The following MICAL2 variants were observed in gnomAD, a reference collection of about 807,000 sequenced individuals.
The protein encoded by MICAL2 is [F-actin]-monooxygenase MICAL2.
In MICAL2, 77 loss-of-function variants were observed where a neutral mutation model predicts 127.3. That is an observed-to-expected ratio of 0.60 (90% CI 0.50 to 0.73). The LOEUF (loss-of-function observed/expected upper bound fraction) is 0.73. Among genes scored for constraint, MICAL2 ranks in the 30% least tolerant of loss-of-function variants. The pLI is 0.00. For missense variants in MICAL2, 1,351 were observed against 1,434.4 expected (o/e 0.94, Z 0.94); for synonymous variants, 570 against 551.1 (o/e 1.03, Z -0.48).
chr11:12,121,403 C>T (rs1850497998), intron 1 of MICAL2: 2 of 152,682 alleles, frequency 1.3e-5, no homozygotes, highest in African/African-American at 4.8e-5. Flanking sequence ...CCACCTCCTC[C>T]AAAGAAAGCG....
chr11:12,115,978 C>CT (rs1201204008), intron 1 of MICAL2, among the ~76,000 whole-genome samples: 4,705 of 134,682 alleles, frequency 0.035, 85 homozygotes, highest in Non-Finnish European at 0.044. Flanking sequence ...CTTTCCCTTT[C>CT]TTTTTTTTTT....
intron 8 of MICAL2, among the ~76,000 whole-genome samples, chr11:12,217,686 C>T (rs1189310507): frequency 2.0e-5 from 3 of 152,114 alleles, no homozygotes; most frequent in African/African-American, 7.2e-5. Context: ...ATGCTAAGGT[C>T]ACCCTCAGGT....
chr11:12,332,745 T>C (rs897337562), intron 32 of MICAL2, among the ~76,000 whole-genome samples: 8 of 152,136 alleles, frequency 5.3e-5, no homozygotes, highest in African/African-American at 1.9e-4. Context: ...TCAGCAGCTT[T>C]TATAGCAAGC....
chr11:12,242,223 G>C lies in MICAL2; in HGVS notation c.2347G>C (p.Val783Leu). The C allele has an allele frequency of 6.2e-7, 1 of 1,606,288 alleles. No individual in the cohort carries two copies. The highest frequency in any genetic ancestry group is 8.5e-7 in the Non-Finnish European group (1 of 1,173,882). ...SPPLKRQFPS[V>L]VVTGHVLREL... is the part of the protein sequence containing the mutation. ...TTTCCCTCTTTCCCAGTTCCCCTCTGTGGTCGTGACGGGGCACGTGCTCAG... is the reference window on the plus strand; with the variant it reads ...TTTCCCTCTTTCCCAGTTCCCCTCTCTGGTCGTGACGGGGCACGTGCTCAG... The change falls in exon 19 of 28, where the codon GTG becomes CTG. Residue 783 changes from valine to leucine, a missense_variant. Physicochemically the swap from Val to Leu is conservative, Grantham distance 32 (BLOSUM62 1). Coordinates refer to ENST00000683283, the MANE Select transcript of MICAL2 (RefSeq NM_001282663.2).
chr11:12,210,252 C>T lies in MICAL2; in HGVS notation c.691+654C>T, dbSNP rs148312932. ...AAACCCCATTGCCAGAAAATGCTTC[C>T]GTCCCCTCCACCTCAACACCAAGAC... On this transcript the variant is annotated intron_variant, in intron 6 of 27. Coordinates refer to ENST00000683283, the MANE Select transcript of MICAL2 (RefSeq NM_001282663.2). Among the ~76,000 whole-genome samples, 441 of 152,262 alleles carry T rather than the reference C, an allele frequency of 2.9e-3. 2 individuals are homozygous for T. The highest frequency in any genetic ancestry group is 0.018 in the South Asian group (86 of 4,818).
At chr11:12,339,214 T>G (rs1938817855) in intron 32 of MICAL2, among the ~76,000 whole-genome samples, 1 of 152,244 alleles carries the variant, frequency 6.6e-6, no homozygotes, top group Admixed American at 6.5e-5. Context: ...CTTTCATCGC[T>G]GATACCCTTT....
At chr11:12,333,667 C>G (rs572122057) in intron 32 of MICAL2, among the ~76,000 whole-genome samples, 1 of 152,008 alleles carries the variant, frequency 6.6e-6, no homozygotes, top group East Asian at 1.9e-4. Flanking sequence ...TAATATGGAC[C>G]TAAATAACAG....
exon 3 of MICAL2, chr11:12,287,277 C>T (rs994229814): frequency 1.6e-4 from 64 of 396,638 alleles, no homozygotes; most frequent in Non-Finnish European, 1.7e-4. Flanking sequence ...GGCATGGCCT[C>T]CTGGTTGTCA....
At chr11:12,261,295 A>C in intron 26 of MICAL2, 1 of 985,456 alleles carries the variant, frequency 1.0e-6, no homozygotes, top group African/African-American at 1.7e-5. Flanking sequence ...AATGGGTCTG[A>C]CCTCCAGGGG....
rs78026014 is a variant in MICAL2 at position 12,118,109 on chromosome 11, C to G, written c.-149+7383C>G. On this transcript the variant is annotated intron_variant, in intron 1 of 27. Transcript: ENST00000683283. The stretch of plus-strand genomic sequence containing the variant: ...CTTCTGGATTCCAGGTTTGCCCCAA[C>G]CAGATGACCTAGAAGGTCTTGCTTG... Among the ~76,000 whole-genome samples, 475 of 152,284 alleles carry G rather than the reference C, an allele frequency of 3.1e-3. 4 individuals carry two copies. Among genetic ancestry groups the G allele is most frequent in the African/African-American group, 0.011 (460 of 41,560 alleles).
At chr11:12,267,813 G>A (rs1283695538), downstream of MICAL2, among the ~76,000 whole-genome samples, 2 of 152,062 alleles carry the variant, frequency 1.3e-5, no homozygotes, top group Non-Finnish European at 2.9e-5. Flanking sequence ...GGCTGTTTTC[G>A]AACTGCTGAC....
Position 12,110,892 on chromosome 11 carries a change from A to C in MICAL2, c.-149+166A>C, listed in dbSNP as rs1309772246. On this transcript the variant is annotated intron_variant, in intron 1 of 27. Coordinates refer to ENST00000683283, the MANE Select transcript of MICAL2 (RefSeq NM_001282663.2). This position sits in a 1 kb window ranked among gnomAD's most constrained non-coding sequence, Gnocchi z 4.5. ...CCACCCGGCGGGGCGCACAGTGAGC[A>C]GGTGGCGCTGCGACGAAGCCCGGGG... Among the ~76,000 whole-genome samples, 2 of 152,124 alleles carry C rather than the reference A, an allele frequency of 1.3e-5. No individual in the cohort carries two copies. Among genetic ancestry groups the C allele is most frequent in the African/African-American group, 2.4e-5 (1 of 41,432 alleles).
At chr11:12,282,279 A>T (rs1863780712) in intron 2 of MICAL2, among the ~76,000 whole-genome samples, 1 of 152,198 alleles carries the variant, frequency 6.6e-6, no homozygotes, top group Non-Finnish European at 1.5e-5. Context: ...AGAAAGGCTC[A>T]GCACTGGCAC....
intron 2 of MICAL2, among the ~76,000 whole-genome samples, chr11:12,140,498 CT>C (rs61115916): frequency 0.075 from 9,916 of 132,390 alleles, 737 homozygotes; most frequent in African/African-American, 0.22. Context: ...AACTTTGGCT[CT>C]TTTTTTTTTT....
chr11:12,281,680 CCCTGTGGGG>C, intron 2 of MICAL2, among the ~76,000 whole-genome samples: 1 of 152,198 alleles, frequency 6.6e-6, no homozygotes, highest in African/African-American at 2.4e-5. Context: ...CCCAGGATGA[CCCTGTGGGG>C]TAACTAGTGC....
chr11:12,292,983 C>T (rs1863924823), downstream of MICAL2, among the ~76,000 whole-genome samples: 1 of 152,130 alleles, frequency 6.6e-6, no homozygotes, highest in Non-Finnish European at 1.5e-5. Context: ...CTCAGTGGTG[C>T]AATGTGGGAG....
intron 32 of MICAL2, among the ~76,000 whole-genome samples, chr11:12,338,324 C>A (rs1938801837): frequency 6.6e-6 from 1 of 152,130 alleles, no homozygotes; most frequent in South Asian, 2.1e-4. Flanking sequence ...TTCCTCCATC[C>A]CTTTATTTTG....
At chr11:12,330,536 G>T (rs571340384) in intron 32 of MICAL2, among the ~76,000 whole-genome samples, 2 of 152,268 alleles carry the variant, frequency 1.3e-5, no homozygotes, top group Admixed American at 1.3e-4. Context: ...CATTAGGCGG[G>T]CATTGAATTA....
At chr11:12,348,774 C>T (rs1354508909) in intron 32 of MICAL2, among the ~76,000 whole-genome samples, 1 of 152,132 alleles carries the variant, frequency 6.6e-6, no homozygotes, top group Admixed American at 6.6e-5. Flanking sequence ...ATCTTTTAAA[C>T]CTCCATTTCT....
Sources: allele counts gnomAD v4.1 joint callset (sites outside exome capture counted in the v4.1 genomes callset), GRCh38; gene constraint gnomAD v4.1.1; non-coding constraint Gnocchi (gnomAD v3.1); transcripts MANE v1.5; gene names NCBI Gene and HGNC (gene_info 2026-07-23, HGNC 2026-07-21).